N4BP1: variants seen among roughly 807,000 people sequenced by gnomAD.
N4BP1 encodes NEDD4-binding protein 1.
In N4BP1, 21 loss-of-function variants were observed where a neutral mutation model predicts 70.9. That is an observed-to-expected ratio of 0.30 (90% CI 0.21 to 0.43). The LOEUF (loss-of-function observed/expected upper bound fraction) is 0.43. Among genes scored for constraint, N4BP1 ranks in the 20% least tolerant of loss-of-function variants. The pLI is 1.00. For missense variants in N4BP1, 936 were observed against 1,069.4 expected, an observed-to-expected ratio of 0.88 and a Z score of 1.74; for synonymous variants, 387 against 394.6, an observed-to-expected ratio of 0.98 and a Z score of 0.23.
intron 1 of N4BP1, among the ~76,000 whole-genome samples, chr16:48,600,006 C>T (rs1362502738): frequency 6.6e-6 from 1 of 152,196 alleles, no homozygotes; most frequent in East Asian, 1.9e-4. Context: ...AATAGAGATA[C>T]ATCAACCTTC....
At chr16:48,545,051 G>A (rs1472013935) in intron 6 of N4BP1, among the ~76,000 whole-genome samples, 5 of 151,950 alleles carry the variant, frequency 3.3e-5, no homozygotes, top group South Asian at 4.2e-4. Context: ...TGCAACCTCC[G>A]CCTCCCAGGT....
chr16:48,591,129 T>C (rs976799365), intron 1 of N4BP1, among the ~76,000 whole-genome samples: 1 of 152,194 alleles, frequency 6.6e-6, no homozygotes, highest in African/African-American at 2.4e-5. Flanking sequence ...AAGCTTGAAA[T>C]TGGCTCCTCT....
chr16:48,604,613 A>C (rs1222484002), intron 1 of N4BP1, among the ~76,000 whole-genome samples: 1 of 143,418 alleles, frequency 7.0e-6, no homozygotes, highest in Non-Finnish European at 1.5e-5. Context: ...AAAAAAAAAA[A>C]CAAAAACAAA....
chr16:48,558,907 C>T (rs1431531891), intron 2 of N4BP1, among the ~76,000 whole-genome samples: 1 of 152,206 alleles, frequency 6.6e-6, no homozygotes, highest in Non-Finnish European at 1.5e-5. Flanking sequence ...TTTTTGCTGC[C>T]TGTCTTCAAA....
chr16:48,587,561 C>T (rs74502376), intron 1 of N4BP1, among the ~76,000 whole-genome samples: 10,327 of 152,200 alleles, frequency 0.068, 460 homozygotes, highest in Middle Eastern at 0.11. Context: ...TTCCTTGACA[C>T]TCAAAATTCA....
intron 1 of N4BP1, among the ~76,000 whole-genome samples, chr16:48,565,569 C>T (rs1002212070): frequency 1.6e-4 from 25 of 152,256 alleles, no homozygotes; most frequent in African/African-American, 4.3e-4. Flanking sequence ...AGAATCTATA[C>T]GGACTCTGGT....
At position 48,560,779 on chromosome 16, in the gene N4BP1, T is replaced by A. The variant is rs748639228; in HGVS notation, c.1864A>T (p.Ile622Leu). 1.4e-5 allele frequency: 23 copies of A among 1,610,772 alleles called. No homozygotes were observed. The highest frequency in any genetic ancestry group is 1.9e-5 in the Non-Finnish European group (22 of 1,178,704). Reference protein sequence around the residue: ...PGRTDLKHIVIDGSNVAITHG... With the variant: ...PGRTDLKHIVLDGSNVAITHG... ...GTAATTGCAACATTGCTCCCATCTATAACAATGTGTTTCAAATCCGTTCTC... is the reference window on the plus strand; with the variant it reads ...GTAATTGCAACATTGCTCCCATCTAAAACAATGTGTTTCAAATCCGTTCTC... The change falls in exon 2 of 7, where the codon ATA (isoleucine) becomes TTA (leucine). Residue 622 changes from isoleucine (I) to leucine (L), a missense_variant. Ile to Leu is a conservative substitution (Grantham distance 5, BLOSUM62 2). Transcript: ENST00000262384.
At chr16:48,550,904 G>GT (rs1963656315) in intron 4 of N4BP1, among the ~76,000 whole-genome samples, 1 of 151,288 alleles carries the variant, frequency 6.6e-6, no homozygotes, top group Admixed American at 6.6e-5. Flanking sequence ...CGTTGACAGA[G>GT]TAAGACTCCA....
chr16:48,571,085 C>G (rs1158590171), intron 1 of N4BP1, among the ~76,000 whole-genome samples: 1 of 152,226 alleles, frequency 6.6e-6, no homozygotes, highest in Non-Finnish European at 1.5e-5. Flanking sequence ...AGCCACTGTG[C>G]CTGGGCAGCT....
intron 1 of N4BP1, among the ~76,000 whole-genome samples, chr16:48,574,251 T>G (rs77049785): frequency 6.6e-6 from 1 of 152,190 alleles, no homozygotes. Context: ...CTACTTTTAA[T>G]AAAAAAATTT....
At chr16:48,602,148 C>T (rs1188269003) in intron 1 of N4BP1, among the ~76,000 whole-genome samples, 1 of 152,104 alleles carries the variant, frequency 6.6e-6, no homozygotes, top group African/African-American at 2.4e-5. Flanking sequence ...CACTTGAACC[C>T]AAAAGGCAGA....
intron 1 of N4BP1, among the ~76,000 whole-genome samples, chr16:48,564,517 CTG>C (rs1963910760): frequency 6.6e-6 from 1 of 152,208 alleles, no homozygotes. Flanking sequence ...CTGTTCCAAT[CTG>C]TGTAAATCTA....
intron 1 of N4BP1, among the ~76,000 whole-genome samples, chr16:48,583,485 C>T (rs1161091365): frequency 6.6e-6 from 1 of 152,084 alleles, no homozygotes; most frequent in African/African-American, 2.4e-5. Flanking sequence ...AACTATTGTA[C>T]AGCATGGTGA....
At chr16:48,566,683 T>C (rs1963947943) in intron 1 of N4BP1, among the ~76,000 whole-genome samples, 1 of 152,162 alleles carries the variant, frequency 6.6e-6, no homozygotes, top group African/African-American at 2.4e-5. Context: ...TCTGATGTTG[T>C]TGAGTGGGAT....
At chr16:48,575,566 C>G (rs2151093789) in intron 1 of N4BP1, among the ~76,000 whole-genome samples, 1 of 152,284 alleles carries the variant, frequency 6.6e-6, no homozygotes, top group South Asian at 2.1e-4. Context: ...AAAGCAGGGG[C>G]TCAAGAGTAT....
At position 48,573,600 on chromosome 16, in the gene N4BP1, AAAAC is replaced by A. The variant is rs1485243582; in HGVS notation, c.199-11160_199-11157del. Among the ~76,000 whole-genome samples the A allele has an allele frequency of 9.9e-5, 15 of 152,242 alleles. No homozygotes were observed. The South Asian group carries it at 2.3e-3, about 23-fold the overall frequency. ...AGAGTGAGACTTTGTCTCAAAACAA[AAAAC>A]AAACAAACAAAAAAAACCCCAGCAA... On this transcript the variant is annotated intron_variant, in intron 1 of 6. Transcript: ENST00000262384.
chr16:48,592,716 T>C (rs1964356025), intron 1 of N4BP1, among the ~76,000 whole-genome samples: 1 of 152,256 alleles, frequency 6.6e-6, no homozygotes, highest in South Asian at 2.1e-4. Context: ...TAAAAATATC[T>C]TCCAAATTTA....
At chr16:48,571,369 T>C (rs567151524) in intron 1 of N4BP1, among the ~76,000 whole-genome samples, 3 of 152,328 alleles carry the variant, frequency 2.0e-5, no homozygotes, top group East Asian at 3.9e-4. Flanking sequence ...TGACCCAAGA[T>C]AGAGCCCACC....
intron 1 of N4BP1, among the ~76,000 whole-genome samples, chr16:48,580,478 C>T (rs769896601): frequency 2.0e-5 from 3 of 152,142 alleles, no homozygotes; most frequent in Non-Finnish European, 4.4e-5. Context: ...TGGCTTGCTT[C>T]ACTGCTGAAT....
Sources: gnomAD v4.1 joint callset for allele counts (sites outside exome capture counted in the v4.1 genomes callset) on GRCh38, gnomAD v4.1.1 for gene constraint, MANE v1.5 for transcripts, NCBI Gene and HGNC (gene_info 2026-07-23, HGNC 2026-07-21) for gene names.